Variants in PALM2AKAP2 observed in about 807,000 individuals in gnomAD.
PALM2AKAP2 encodes PALM2-AKAP2 fusion protein.
A neutral mutation model predicts 71.5 loss-of-function variants in PALM2AKAP2; 37 were observed. The observed-to-expected ratio is 0.52, with a 90% CI of 0.40 to 0.68. PALM2AKAP2 has a LOEUF of 0.68. Ranked by LOEUF, PALM2AKAP2 falls within the 30% of genes least tolerant of loss-of-function variation. The probability of loss-of-function intolerance (pLI) is 0.00; values close to 1 mark genes in which losing one functional copy is unlikely to be tolerated. For missense variants in PALM2AKAP2, 1,224 were observed against 1,191.8 expected (o/e 1.03, Z -0.40); for synonymous variants, 468 against 478.8 (o/e 0.98, Z 0.29).
intron 1 of PALM2AKAP2, among the ~76,000 whole-genome samples, chr9:110,068,535 T>C (rs1192710603): frequency 6.9e-6 from 1 of 144,674 alleles, no homozygotes; most frequent in South Asian, 2.1e-4. Flanking sequence ...AAAAAAAAAT[T>C]TAATTTTTTT....
intron 6 of PALM2AKAP2, among the ~76,000 whole-genome samples, chr9:110,005,314 A>G (rs1332048843): frequency 6.6e-6 from 1 of 152,222 alleles, no homozygotes; most frequent in Non-Finnish European, 1.5e-5. Context: ...TTGCCTGGGT[A>G]TCTGCAGCGG....
chr9:109,984,138 C>A (rs1163653115), intron 6 of PALM2AKAP2, among the ~76,000 whole-genome samples: 3 of 152,050 alleles, frequency 2.0e-5, no homozygotes, highest in Non-Finnish European at 2.9e-5. Flanking sequence ...GACTTTGAGA[C>A]CCTTAACCCT....
chr9:110,061,418 A>C (rs1588084960), intron 1 of PALM2AKAP2, among the ~76,000 whole-genome samples: 2 of 152,164 alleles, frequency 1.3e-5, no homozygotes, highest in Admixed American at 1.3e-4. Context: ...ACTTTGAAAA[A>C]AACTATACAT....
At chr9:109,806,344 A>G (rs1394204451) in intron 1 of PALM2AKAP2, among the ~76,000 whole-genome samples, 2 of 152,248 alleles carry the variant, frequency 1.3e-5, no homozygotes, top group African/African-American at 4.8e-5. Context: ...ATCTGAGTTT[A>G]TGTAATTCAG....
intron 1 of PALM2AKAP2, among the ~76,000 whole-genome samples, chr9:109,656,596 A>T (rs1827310658): frequency 6.6e-6 from 1 of 152,162 alleles, no homozygotes; most frequent in African/African-American, 2.4e-5. Context: ...GGGGATTTTA[A>T]GCAGAGGAGT....
At chr9:109,808,662 A>G (rs1489560868) in intron 1 of PALM2AKAP2, among the ~76,000 whole-genome samples, 1 of 152,270 alleles carries the variant, frequency 6.6e-6, no homozygotes, top group African/African-American at 2.4e-5. Context: ...AGCTGCAGAA[A>G]TTTGCATAAG....
intron 6 of PALM2AKAP2, among the ~76,000 whole-genome samples, chr9:110,011,256 T>C (rs1832881882): frequency 2.7e-5 from 4 of 149,548 alleles, no homozygotes; most frequent in Admixed American, 6.7e-5. Context: ...TATACTTTTT[T>C]CCCCAAGTTC....
chr9:109,729,233 C>T (rs1328514296), intron 1 of PALM2AKAP2, among the ~76,000 whole-genome samples: 4 of 152,110 alleles, frequency 2.6e-5, no homozygotes, highest in Non-Finnish European at 5.9e-5. Flanking sequence ...ACATTGCCAC[C>T]GACTCCCATG....
intron 1 of PALM2AKAP2, among the ~76,000 whole-genome samples, chr9:109,728,716 A>AG (rs1455646596): frequency 6.6e-6 from 1 of 152,210 alleles, no homozygotes; most frequent in Non-Finnish European, 1.5e-5. Flanking sequence ...AGGAGTGTGC[A>AG]GAAAAATAGT....
At chr9:109,767,451 G>A (rs553810830) in intron 1 of PALM2AKAP2, among the ~76,000 whole-genome samples, 1 of 152,326 alleles carries the variant, frequency 6.6e-6, no homozygotes, top group East Asian at 1.9e-4. Flanking sequence ...ACACCATTTT[G>A]CAGGTCTCTC....
intron 7 of PALM2AKAP2, among the ~76,000 whole-genome samples, chr9:110,036,477 C>T (rs1044109433): frequency 6.6e-6 from 1 of 152,140 alleles, no homozygotes; most frequent in Non-Finnish European, 1.5e-5. Context: ...ACCACTCCAC[C>T]ATTACCATTC....
chr9:109,656,495 G>A (rs1385402514), intron 1 of PALM2AKAP2, among the ~76,000 whole-genome samples: 2 of 152,216 alleles, frequency 1.3e-5, no homozygotes, highest in Non-Finnish European at 2.9e-5. Flanking sequence ...AGGGGCCGTG[G>A]CTCTTAAGCT....
At chr9:109,895,864 A>C (rs1399173576) in intron 3 of PALM2AKAP2, among the ~76,000 whole-genome samples, 1 of 152,162 alleles carries the variant, frequency 6.6e-6, no homozygotes, top group East Asian at 1.9e-4. Context: ...CCTTCTTTAC[A>C]TGGCAGCAGC....
Position 109,659,458 on chromosome 9 carries a change from T to C in PALM2AKAP2, c.5+18592T>C, listed in dbSNP as rs78799345. On this transcript the variant is annotated intron_variant, in intron 1 of 6. Transcript: ENST00000374531. ...AGCCTTAGGCAGTCACTAATCTACT[T>C]TCTATCTATATAGATTTTTAAATTC... Among the ~76,000 whole-genome samples, 112 of 151,968 alleles carry C rather than the reference T, an allele frequency of 7.4e-4. 1 individual carries two copies. In the East Asian group the frequency reaches 0.02, roughly 27 times the overall value.
At chr9:110,068,087 C>CTTTTTT (rs5899875) in intron 1 of PALM2AKAP2, among the ~76,000 whole-genome samples, 8 of 122,942 alleles carry the variant, frequency 6.5e-5, no homozygotes, top group Non-Finnish European at 8.0e-5. Context: ...GTTCCAAACT[C>CTTTTTT]TTTTTTTTTT....
intron 1 of PALM2AKAP2, among the ~76,000 whole-genome samples, chr9:110,089,147 G>C (rs1834648850): frequency 6.6e-6 from 1 of 152,216 alleles, no homozygotes; most frequent in Non-Finnish European, 1.5e-5. Context: ...CAGAGCAATA[G>C]GGAGAAAGGG....
At chr9:110,137,919 T>G (rs914358) in exon 2 of PALM2AKAP2, 4 of 1,613,764 alleles carry the variant, frequency 2.5e-6, no homozygotes, top group Non-Finnish European at 3.4e-6. Flanking sequence ...GACTCTCCGT[T>G]GGTTGATGAC....
intron 2 of PALM2AKAP2, among the ~76,000 whole-genome samples, chr9:110,147,281 T>G (rs1197567368): frequency 2.7e-5 from 4 of 150,146 alleles, no homozygotes; most frequent in Non-Finnish European, 5.9e-5. Flanking sequence ...TGTGTGATGG[T>G]CAGGGAGAAT....
chr9:109,667,803 C>T (rs140204616), intron 1 of PALM2AKAP2, among the ~76,000 whole-genome samples: 1 of 151,944 alleles, frequency 6.6e-6, no homozygotes, highest in Non-Finnish European at 1.5e-5. Context: ...ACACAAATAG[C>T]AACAACAACA....
Sources: allele counts gnomAD v4.1 joint callset (sites outside exome capture counted in the v4.1 genomes callset), GRCh38; gene constraint gnomAD v4.1.1; transcripts MANE v1.5; gene names NCBI Gene and HGNC (gene_info 2026-07-23, HGNC 2026-07-21).